Variants in EFNA5 observed in about 807,000 individuals in gnomAD.
EFNA5 encodes the protein ephrin-A5.
Under a neutral mutation model 22.9 loss-of-function variants are expected in EFNA5, and 5 were observed. That is an observed-to-expected ratio of 0.22 (90% CI 0.11 to 0.46). The LOEUF is 0.46. Among genes scored for constraint, EFNA5 ranks in the 20% least tolerant of loss-of-function variants. The pLI is 0.99. For synonymous variants in EFNA5, 113 were observed against 112.2 expected, an observed-to-expected ratio of 1.01 and a Z score of -0.04; for missense variants, 237 against 293.3, an observed-to-expected ratio of 0.81 and a Z score of 1.40.
chr5:107,652,660 A>G (rs1750755669), intron 1 of EFNA5, among the ~76,000 whole-genome samples: 1 of 152,180 alleles, frequency 6.6e-6, no homozygotes, highest in South Asian at 2.1e-4. Context: ...TATTGGTTTT[A>G]CTGTGTATTT....
chr5:107,412,003 G>A (rs1323637406), intron 2 of EFNA5, among the ~76,000 whole-genome samples: 1 of 152,108 alleles, frequency 6.6e-6, no homozygotes, highest in East Asian at 1.9e-4. Flanking sequence ...TTATTACAGG[G>A]ATCATACATT....
intron 2 of EFNA5, among the ~76,000 whole-genome samples, chr5:107,389,968 T>C (rs1747738430): frequency 6.6e-6 from 1 of 152,194 alleles, no homozygotes; most frequent in Non-Finnish European, 1.5e-5. Context: ...TTAGAAAAAT[T>C]TGTGAACAAA....
Position 107,387,767 on chromosome 5 carries a change from A to T in EFNA5, c.423T>A (p.Ser141=), listed in dbSNP as rs1225361617. Residue 141 remains serine, a synonymous_variant, in exon 3 of 5, where the codon TCT becomes TCA. Coordinates refer to ENST00000333274, the MANE Select transcript of EFNA5 (RefSeq NM_001962.3). ...RPGREYFYIS[S]AIPDNGRRSC... ...ACCTTCTTCCATTATCTGGGATTGCAGAGGCTGTGGGTAACACAGAGAGAG... is the reference window on the plus strand; with the variant it reads ...ACCTTCTTCCATTATCTGGGATTGCTGAGGCTGTGGGTAACACAGAGAGAG... The T allele has an allele frequency of 1.9e-6, 3 of 1,611,766 alleles. No homozygotes were observed. Among genetic ancestry groups the T allele is most frequent in the Non-Finnish European group, 2.5e-6 (3 of 1,178,204 alleles).
chr5:107,642,009 A>G (rs145363512), intron 1 of EFNA5, among the ~76,000 whole-genome samples: 1 of 152,346 alleles, frequency 6.6e-6, no homozygotes, highest in African/African-American at 2.4e-5. Context: ...AAAAGCCATG[A>G]GCTGGATTAA....
intron 1 of EFNA5, among the ~76,000 whole-genome samples, chr5:107,605,153 G>A (rs1471544323): frequency 2.0e-5 from 3 of 150,932 alleles, no homozygotes; most frequent in Non-Finnish European, 4.4e-5. Context: ...GGGTGGGGAT[G>A]GGGGGGGAAG....
intron 1 of EFNA5, among the ~76,000 whole-genome samples, chr5:107,500,317 T>C (rs1221309730): frequency 6.6e-6 from 1 of 152,234 alleles, no homozygotes; most frequent in East Asian, 1.9e-4. Flanking sequence ...ACGTTTTCCC[T>C]ACAATGTATA....
chr5:107,389,052 T>C lies in EFNA5; in HGVS notation c.419-1281A>G, dbSNP rs1464050854. 3.9e-5 allele frequency among the ~76,000 whole-genome samples: 6 copies of C among 152,306 alleles called. No homozygotes were observed. In the East Asian group the frequency reaches 9.6e-4, roughly 24 times the overall value. Reference sequence around the variant, plus strand: ...ACCAACTAAATAATGTCAAGTAGTATAGGGTCCCCAGTGTCCCTATTCAAC... The same window carrying C: ...ACCAACTAAATAATGTCAAGTAGTACAGGGTCCCCAGTGTCCCTATTCAAC... On this transcript the variant is annotated intron_variant, in intron 2 of 4. Coordinates refer to ENST00000333274, the MANE Select transcript of EFNA5 (RefSeq NM_001962.3).
At chr5:107,571,710 C>T (rs1323080086) in intron 1 of EFNA5, among the ~76,000 whole-genome samples, 1 of 152,116 alleles carries the variant, frequency 6.6e-6, no homozygotes, top group South Asian at 2.1e-4. Context: ...ACCTTCCTGT[C>T]GCATACCCAC....
chr5:107,527,745 A>C (rs1747726683), intron 1 of EFNA5, among the ~76,000 whole-genome samples: 1 of 152,174 alleles, frequency 6.6e-6, no homozygotes, highest in Admixed American at 6.5e-5. Flanking sequence ...CCCAACACCC[A>C]GATGTGGCAG....
At chr5:107,536,706 T>C (rs1747935503) in intron 1 of EFNA5, among the ~76,000 whole-genome samples, 1 of 152,118 alleles carries the variant, frequency 6.6e-6, no homozygotes, top group Admixed American at 6.6e-5. Context: ...AACATGGCAA[T>C]CAAAAAATAT....
intron 1 of EFNA5, among the ~76,000 whole-genome samples, chr5:107,483,153 T>G (rs1750534114): frequency 6.6e-6 from 1 of 152,180 alleles, no homozygotes; most frequent in South Asian, 2.1e-4. Flanking sequence ...TTAACAAATA[T>G]AATCTCCCTT....
intron 1 of EFNA5, among the ~76,000 whole-genome samples, chr5:107,564,880 A>T (rs115282755): frequency 0.022 from 3,308 of 152,302 alleles, 113 homozygotes; most frequent in African/African-American, 0.073. Context: ...AGAACTGAAC[A>T]TAAAGAGTTC....
chr5:107,448,618 C>T (rs1337302701), intron 1 of EFNA5, among the ~76,000 whole-genome samples: 1 of 151,894 alleles, frequency 6.6e-6, no homozygotes, highest in Non-Finnish European at 1.5e-5. Context: ...ATCACGAGAT[C>T]AGGAGTTCGA....
intron 1 of EFNA5, among the ~76,000 whole-genome samples, chr5:107,501,548 T>C (rs26252): frequency 0.081 from 12,354 of 152,264 alleles, 1,071 homozygotes; most frequent in African/African-American, 0.19. Context: ...AAACTATTTT[T>C]CTCATTCAAC....
intron 1 of EFNA5, among the ~76,000 whole-genome samples, chr5:107,619,291 G>C (rs1174094926): frequency 6.6e-6 from 1 of 152,016 alleles, no homozygotes; most frequent in Non-Finnish European, 1.5e-5. Context: ...AGAAACTGTT[G>C]AGAAACCAAA....
At chr5:107,580,505 A>C (rs1749019286) in intron 1 of EFNA5, among the ~76,000 whole-genome samples, 1 of 152,066 alleles carries the variant, frequency 6.6e-6, no homozygotes, top group South Asian at 2.1e-4. Context: ...CAGGCAGATC[A>C]TGAGGTCAGG....
At chr5:107,619,670 G>A (rs994539954) in intron 1 of EFNA5, among the ~76,000 whole-genome samples, 3 of 151,780 alleles carry the variant, frequency 2.0e-5, no homozygotes, top group Non-Finnish European at 4.4e-5. Context: ...CACTATGTTG[G>A]TCAGGCTGGT....
chr5:107,410,022 C>CTTTT (rs70996956), intron 2 of EFNA5, among the ~76,000 whole-genome samples: 5 of 87,998 alleles, frequency 5.7e-5, no homozygotes, highest in African/African-American at 8.7e-5. Context: ...TGACATGATT[C>CTTTT]TTTTTTTTTT....
At chr5:107,646,836 A>G (rs1750640768) in intron 1 of EFNA5, among the ~76,000 whole-genome samples, 1 of 152,156 alleles carries the variant, frequency 6.6e-6, no homozygotes, top group East Asian at 1.9e-4. Context: ...CTTATTTAAA[A>G]AGCTTCATTG....
Sources: allele counts gnomAD v4.1 joint callset (sites outside exome capture counted in the v4.1 genomes callset), GRCh38; gene constraint gnomAD v4.1.1; transcripts MANE v1.5; gene names NCBI Gene and HGNC (gene_info 2026-07-23, HGNC 2026-07-21).